Variants in EIF4B observed in about 807,000 individuals in gnomAD.
EIF4B encodes the protein eukaryotic translation initiation factor 4B.
A neutral mutation model predicts 79.3 loss-of-function variants in EIF4B; 8 were observed. That is an observed-to-expected ratio of 0.10 (90% CI 0.06 to 0.18). The LOEUF is 0.18. Among genes scored for constraint, EIF4B ranks in the 10% least tolerant of loss-of-function variants. The probability of loss-of-function intolerance (pLI) is 1.00; values close to 1 mark genes in which losing one functional copy is unlikely to be tolerated. For missense variants in EIF4B, 515 were observed against 792.4 expected (o/e 0.65, Z 4.20); for synonymous variants, 238 against 274.7 (o/e 0.87, Z 1.32).
chr12:53,018,602 A>G (rs1943185471), intron 2 of EIF4B, among the ~76,000 whole-genome samples, 196 bp from the exon 3 acceptor site: 1 of 152,220 alleles, frequency 6.6e-6, no homozygotes, highest in African/African-American at 2.4e-5. Flanking sequence ...CTTTGCTTAC[A>G]TAAAGATTAA....
At chr12:53,015,103 A>G (rs758767241) in intron 1 of EIF4B, among the ~76,000 whole-genome samples, 2 of 152,070 alleles carry the variant, frequency 1.3e-5, no homozygotes, top group Non-Finnish European at 2.9e-5. Context: ...GTGTTGTTAT[A>G]GTAGAGGAGG....
intron 8 of EIF4B, among the ~76,000 whole-genome samples, chr12:53,028,552 ATC>A (rs1943379810): frequency 6.7e-6 from 1 of 149,364 alleles, no homozygotes; most frequent in Non-Finnish European, 1.5e-5. Flanking sequence ...GAGACTCCCC[ATC>A]TCAAAAAAAA....
chr12:53,019,832 T>C (rs1488963772), intron 3 of EIF4B, 78 bp from the exon 4 acceptor site: 4 of 1,386,832 alleles, frequency 2.9e-6, no homozygotes, highest in Non-Finnish European at 4.0e-6. Flanking sequence ...CATACAGTAA[T>C]GCTTTTGTAG....
In EIF4B at chr12:53,038,370, T is replaced by C; in HGVS notation, c.1535T>C (p.Val512Ala). 6.3e-7 allele frequency: 1 copy of C among 1,597,564 alleles called. No homozygotes were observed. The highest frequency in any genetic ancestry group is 8.5e-7 in the Non-Finnish European group (1 of 1,171,516). Residue 512 changes from valine to alanine, a missense_variant, in exon 12 of 15, where the codon GTA becomes GCA. By Grantham distance (64) the Val-to-Ala change is moderately conservative. Around this residue, in one of 6 missense-constraint regions of EIF4B, gnomAD observed 146 missense variants for 228.0 expected, o/e 0.64. Coordinates refer to ENST00000262056, the MANE Select transcript of EIF4B (RefSeq NM_001417.7). The stretch of plus-strand genomic sequence containing the variant: ...TTTCCTTCTAGTGGTGGGGGAAAAG[T>C]AGCTCCAGCTCAACCATCTGAGGAA... ...QQSPTSGGGK[V>A]APAQPSEEGP...
chr12:53,016,625 G>C lies in EIF4B; in HGVS notation c.151+15G>C, dbSNP rs761600460. The stretch of plus-strand genomic sequence containing the variant: ...GGAAGGAGATGGTAACTTTTCTTTT[G>C]TCATCGTGTTTGGAATGTTTATTAT... On this transcript the variant is annotated intron_variant, in intron 2 of 14. Coordinates refer to ENST00000262056, the MANE Select transcript of EIF4B (RefSeq NM_001417.7). 20 of 1,560,782 alleles carry C rather than the reference G, an allele frequency of 1.3e-5. No homozygotes were observed. In the South Asian group the frequency reaches 2.3e-4, roughly 18 times the overall value.
chr12:53,030,410 A>ATTTTTTTTTTTTTTTTTTTTTTTT (rs1555153412), intron 8 of EIF4B, among the ~76,000 whole-genome samples: 41 of 34,182 alleles, frequency 1.2e-3, no homozygotes, highest in Non-Finnish European at 2.4e-3. Flanking sequence ...AAAAAATTAT[A>ATTTTTTTTTTTTTTTTTTTTTTTT]TTCTTTTTTT....
At chr12:53,039,766 C>T in intron 14 of EIF4B, 64 bp downstream of exon 14, 1 of 1,510,496 alleles carries the variant, frequency 6.6e-7, no homozygotes, top group Admixed American at 2.1e-5. Flanking sequence ...TCTAAGTATT[C>T]TTACTAAGAA....
intron 13 of EIF4B, 61 bp from the exon 14 acceptor site, chr12:53,039,569 A>G: frequency 6.3e-7 from 1 of 1,589,046 alleles, no homozygotes; most frequent in Non-Finnish European, 8.6e-7. Flanking sequence ...GCATGCATAC[A>G]CATGTTTGTA....
chr12:53,006,811 G>A (rs766675406), intron 1 of EIF4B, among the ~76,000 whole-genome samples: 5 of 152,020 alleles, frequency 3.3e-5, no homozygotes, highest in Non-Finnish European at 7.4e-5. Flanking sequence ...AGGCCTTTTC[G>A]TAGACGTGAA....
intron 8 of EIF4B, among the ~76,000 whole-genome samples, chr12:53,032,782 C>A (rs4919720): frequency 0.8 from 120,478 of 150,750 alleles, 50,425 homozygotes; most frequent in Non-Finnish European, 0.93. Context: ...AGCGATTCTC[C>A]TGCCTCAGTC....
intron 1 of EIF4B, among the ~76,000 whole-genome samples, chr12:53,015,257 A>C (rs538500421): frequency 6.6e-6 from 1 of 152,312 alleles, no homozygotes; most frequent in South Asian, 2.1e-4. Context: ...GGTATATAGA[A>C]AGAGCCTTAG....
At chr12:53,022,402 A>G in intron 5 of EIF4B, 91 bp from the exon 6 acceptor site, 1 of 1,568,492 alleles carries the variant, frequency 6.4e-7, no homozygotes, top group Middle Eastern at 1.7e-4. Flanking sequence ...AAAGTGAAAA[A>G]TAGGGTAAAA....
chr12:53,011,314 T>C (rs957345989), intron 1 of EIF4B, among the ~76,000 whole-genome samples: 3 of 152,192 alleles, frequency 2.0e-5, no homozygotes, highest in African/African-American at 7.2e-5. Context: ...ATCATTATTA[T>C]CTAATTTCAG....
chr12:53,033,846 T>C lies in EIF4B; in HGVS notation c.1020T>C (p.Ser340=). ...CCAAACTGAATCTAAAGCCTCGGAG[T>C]ACTCCTAAGGAAGATGATTCCTCTG... ...QRPKLNLKPR[S]TPKEDDSSAS... Residue 340 remains serine, a synonymous_variant, in exon 9 of 15, where the codon AGT becomes AGC. Transcript: ENST00000262056. 3.1e-6 allele frequency: 5 copies of C among 1,612,816 alleles called. No individual in the cohort carries two copies. Among genetic ancestry groups the C allele is most frequent in the Non-Finnish European group, 4.2e-6 (5 of 1,179,268 alleles).
chr12:53,026,463 C>T (rs998199817), intron 6 of EIF4B, among the ~76,000 whole-genome samples: 14 of 152,304 alleles, frequency 9.2e-5, no homozygotes, highest in Middle Eastern at 3.4e-3. Context: ...TGTCTTTGTA[C>T]ATGTATCTTT....
At chr12:53,025,007 T>C (rs1029439132) in intron 6 of EIF4B, among the ~76,000 whole-genome samples, 1 of 152,104 alleles carries the variant, frequency 6.6e-6, no homozygotes, top group Non-Finnish European at 1.5e-5. Flanking sequence ...TAAATATAAT[T>C]GGGGAAGCAG....
At chr12:53,015,056 C>A (rs1301873961) in intron 1 of EIF4B, 1 of 152,184 alleles carries the variant, frequency 6.6e-6, no homozygotes, top group Non-Finnish European at 1.5e-5. Context: ...TTAGGGTTTT[C>A]GTGTGTTTTC....
rs995587168 is a variant in EIF4B, at chr12:53,034,960, T to C, written c.1306+251T>C. On this transcript the variant is annotated intron_variant, in intron 10 of 14. Coordinates refer to ENST00000262056, the MANE Select transcript of EIF4B (RefSeq NM_001417.7). ...GGTTGTTAGGTTTGTCTCTCTCTTTTTTTTTTTTTTTTTTTTTTGGTATAT... is the reference window on the plus strand; with the variant it reads ...GGTTGTTAGGTTTGTCTCTCTCTTTCTTTTTTTTTTTTTTTTTTGGTATAT... 3.3e-3 allele frequency among the ~76,000 whole-genome samples: 489 copies of C among 146,822 alleles called. 1 individual carries two copies. Among genetic ancestry groups the C allele is most frequent in the African/African-American group, 0.011 (445 of 40,484 alleles).
At chr12:53,033,664 C>G in intron 8 of EIF4B, 142 bp from the exon 9 acceptor site, 1 of 903,406 alleles carries the variant, frequency 1.1e-6, no homozygotes, top group South Asian at 1.9e-5. Context: ...TTCTAATGAT[C>G]TATTTGCCTT....
Sources: gnomAD v4.1 joint callset for allele counts (sites outside exome capture counted in the v4.1 genomes callset) on GRCh38, gnomAD v4.1.1 for gene constraint, gnomAD v4.1.1 regional missense constraint, MANE v1.5 for transcripts, NCBI Gene and HGNC (gene_info 2026-07-23, HGNC 2026-07-21) for gene names.